Variants in GHR observed in about 807,000 individuals in gnomAD.
GHR encodes growth hormone receptor.
In GHR, 35 loss-of-function variants were observed where a neutral mutation model predicts 67.1. That is an observed-to-expected ratio of 0.52 (90% CI 0.40 to 0.69). GHR has a LOEUF of 0.69. Ranked by LOEUF, GHR falls within the 30% of genes least tolerant of loss-of-function variation. GHR has a pLI of 0.00. For missense variants in GHR, 792 were observed against 764.6 expected (o/e 1.04, Z -0.42); for synonymous variants, 272 against 269.1 (o/e 1.01, Z -0.10).
intron 2 of GHR, among the ~76,000 whole-genome samples, chr5:42,581,534 G>C (rs1282698044): frequency 6.6e-6 from 1 of 152,204 alleles, no homozygotes; most frequent in African/African-American, 2.4e-5. Context: ...CTGAAAGTTG[G>C]AAGGGACCTC....
intron 1 of GHR, among the ~76,000 whole-genome samples, chr5:42,437,318 T>C (rs1384090912): frequency 6.6e-6 from 1 of 152,164 alleles, no homozygotes; most frequent in South Asian, 2.1e-4. Flanking sequence ...CTTAGATACC[T>C]TATAGAAGTA....
At chr5:42,570,934 A>G (rs977710688) in intron 2 of GHR, among the ~76,000 whole-genome samples, 1 of 152,184 alleles carries the variant, frequency 6.6e-6, no homozygotes, top group East Asian at 1.9e-4. Context: ...TCTAAGTGTG[A>G]CAGGGATGAT....
At chr5:42,578,090 G>A (rs1750863029) in intron 2 of GHR, among the ~76,000 whole-genome samples, 1 of 152,096 alleles carries the variant, frequency 6.6e-6, no homozygotes, top group Non-Finnish European at 1.5e-5. Flanking sequence ...TTTATCTATG[G>A]TGGGAGGCGT....
At position 42,622,344 on chromosome 5, in the gene GHR, T is replaced by C. The variant is rs1753491588; in HGVS notation, c.71-6694T>C. ...CCTCATGAGTACCAATTGTGGCACATAGTGGGGAAACCCTAGAGGCAGAGC... is the reference window on the plus strand; with the variant it reads ...CCTCATGAGTACCAATTGTGGCACACAGTGGGGAAACCCTAGAGGCAGAGC... On this transcript the variant is annotated intron_variant, in intron 2 of 9. Coordinates refer to ENST00000230882, the MANE Select transcript of GHR (RefSeq NM_000163.5). Among the ~76,000 whole-genome samples the C allele has an allele frequency of 2.0e-5, 3 of 152,162 alleles. No homozygotes were observed. The South Asian group carries it at 6.2e-4, about 31-fold the overall frequency.
At chr5:42,659,804 G>T (rs535638973) in intron 3 of GHR, among the ~76,000 whole-genome samples, 1 of 152,250 alleles carries the variant, frequency 6.6e-6, no homozygotes, top group East Asian at 1.9e-4. Flanking sequence ...GCAGGGTGAG[G>T]CATTGCCTCA....
chr5:42,589,730 C>T (rs375816355), intron 2 of GHR, among the ~76,000 whole-genome samples: 3 of 152,160 alleles, frequency 2.0e-5, no homozygotes, highest in African/African-American at 7.2e-5. Flanking sequence ...GGTTTCCATG[C>T]ATGATGCTTA....
At chr5:42,463,670 T>C (rs1259408867) in intron 1 of GHR, among the ~76,000 whole-genome samples, 8 of 152,178 alleles carry the variant, frequency 5.3e-5, no homozygotes, top group Non-Finnish European at 1.0e-4. Flanking sequence ...TTTATCACCA[T>C]TGGATTTTCA....
intron 1 of GHR, among the ~76,000 whole-genome samples, chr5:42,445,744 G>A (rs1057236188): frequency 3.3e-5 from 5 of 152,218 alleles, no homozygotes; most frequent in Admixed American, 2.0e-4. Flanking sequence ...GCATTCTGCT[G>A]AATAAGGAAG....
chr5:42,474,285 A>AAGAAAG (rs1257674662), intron 1 of GHR, among the ~76,000 whole-genome samples: 21 of 28,064 alleles, frequency 7.5e-4, no homozygotes, highest in South Asian at 3.4e-3. Flanking sequence ...GAAAGAAAGA[A>AAGAAAG]AAAGAGAAAG....
intron 1 of GHR, among the ~76,000 whole-genome samples, chr5:42,472,564 A>G (rs1351750183): frequency 6.6e-6 from 1 of 152,224 alleles, no homozygotes; most frequent in Non-Finnish European, 1.5e-5. Context: ...GCCTAAGTGG[A>G]ACATGGTGTA....
At chr5:42,691,725 A>G (rs28478723) in intron 4 of GHR, among the ~76,000 whole-genome samples, 2 of 152,246 alleles carry the variant, frequency 1.3e-5, no homozygotes, top group African/African-American at 2.4e-5. Context: ...GCACAGCCCT[A>G]CAGGCAGTTG....
intron 2 of GHR, among the ~76,000 whole-genome samples, chr5:42,608,418 C>A (rs999419798): frequency 2.0e-5 from 3 of 151,542 alleles, no homozygotes; most frequent in Admixed American, 6.6e-5. Flanking sequence ...TATTTAGTAA[C>A]CCCTAACTAC....
chr5:42,717,201 G>T (rs1420027760), intron 8 of GHR, among the ~76,000 whole-genome samples: 3 of 152,130 alleles, frequency 2.0e-5, no homozygotes, highest in Non-Finnish European at 4.4e-5. Flanking sequence ...TTAGGAGGCT[G>T]AGGCAAGAAT....
intron 1 of GHR, among the ~76,000 whole-genome samples, chr5:42,541,614 T>C (rs1748521109): frequency 6.6e-6 from 1 of 151,822 alleles, no homozygotes; most frequent in Non-Finnish European, 1.5e-5. Flanking sequence ...AATTTGGGTG[T>C]TGGGAATAAG....
intron 2 of GHR, among the ~76,000 whole-genome samples, chr5:42,616,024 G>A (rs1753130272): frequency 1.3e-5 from 2 of 151,862 alleles, no homozygotes; most frequent in South Asian, 2.1e-4. Context: ...CTTGGGTCAC[G>A]TTTTTCTGTT....
intron 1 of GHR, among the ~76,000 whole-genome samples, chr5:42,473,990 C>G (rs2112111348): frequency 6.6e-6 from 1 of 151,952 alleles, no homozygotes; most frequent in South Asian, 2.1e-4. Context: ...GAGTTCAAAA[C>G]CAGCTTGGCC....
At chr5:42,436,650 T>C (rs1743341484) in intron 1 of GHR, among the ~76,000 whole-genome samples, 1 of 152,232 alleles carries the variant, frequency 6.6e-6, no homozygotes, top group Non-Finnish European at 1.5e-5. Context: ...TATTGTGTAA[T>C]AATTTAAAGT....
At chr5:42,689,219 C>T (rs946066426) in intron 4 of GHR, among the ~76,000 whole-genome samples, 200 bp downstream of exon 4, 2 of 152,170 alleles carry the variant, frequency 1.3e-5, no homozygotes, top group Non-Finnish European at 2.9e-5. Context: ...GGAGATATAG[C>T]AGTGATTACA....
At chr5:42,493,685 C>T (rs1222332149) in intron 1 of GHR, among the ~76,000 whole-genome samples, 1 of 152,140 alleles carries the variant, frequency 6.6e-6, no homozygotes, top group African/African-American at 2.4e-5. Flanking sequence ...AAAAGTTCAA[C>T]TTTTGTATAC....
Sources: allele counts gnomAD v4.1 joint callset (sites outside exome capture counted in the v4.1 genomes callset), GRCh38; gene constraint gnomAD v4.1.1; transcripts MANE v1.5; gene names NCBI Gene and HGNC (gene_info 2026-07-23, HGNC 2026-07-21).